The following SGCZ variants were observed in gnomAD, a reference collection of about 807,000 sequenced individuals.
SGCZ encodes sarcoglycan zeta, also known as zeta-sarcoglycan.
A neutral mutation model predicts 41.3 loss-of-function variants in SGCZ; 40 were observed. The ratio of observed to expected loss-of-function variants is 0.97; its 90% CI spans 0.75 to 1.26. The LOEUF (loss-of-function observed/expected upper bound fraction) is 1.26. Ranked by LOEUF, SGCZ falls within the 50% of genes most tolerant of loss-of-function variation. SGCZ has a pLI of 0.00. For missense variants in SGCZ, 552 were observed against 369.8 expected (o/e 1.49, Z -4.04); for synonymous variants, 206 against 137.5 (o/e 1.50, Z -3.49).
intron 1 of SGCZ, among the ~76,000 whole-genome samples, chr8:14,791,753 C>T (rs140256525): frequency 9.4e-4 from 143 of 152,262 alleles, no homozygotes; most frequent in Admixed American, 3.0e-3. Flanking sequence ...TCAGTAATCC[C>T]CATGAAGCAA....
At chr8:14,916,797 G>T (rs888974918) in intron 1 of SGCZ, among the ~76,000 whole-genome samples, 1 of 152,194 alleles carries the variant, frequency 6.6e-6, no homozygotes, top group South Asian at 2.1e-4. Context: ...ACACTTACGA[G>T]TATGTAAATA....
intron 1 of SGCZ, among the ~76,000 whole-genome samples, chr8:15,001,275 A>C (rs1802409894): frequency 6.6e-6 from 1 of 152,224 alleles, no homozygotes; most frequent in Non-Finnish European, 1.5e-5. Context: ...AGGGAGTTTC[A>C]AACACCAAAC....
At chr8:14,712,326 C>T (rs897016032) in intron 1 of SGCZ, among the ~76,000 whole-genome samples, 4 of 152,170 alleles carry the variant, frequency 2.6e-5, no homozygotes, top group African/African-American at 4.8e-5. Flanking sequence ...AAGTAAACTT[C>T]GCAGAATTGT....
intron 2 of SGCZ, among the ~76,000 whole-genome samples, chr8:14,498,708 G>A (rs1022945457): frequency 6.6e-6 from 1 of 151,856 alleles, no homozygotes; most frequent in Non-Finnish European, 1.5e-5. Context: ...AATTGAATAT[G>A]TTATTACTTA....
At chr8:14,108,137 C>G in intron 6 of SGCZ, 26 bp downstream of exon 6, 1 of 1,605,878 alleles carries the variant, frequency 6.2e-7, no homozygotes, top group Non-Finnish European at 8.5e-7. Context: ...GGATTTTATG[C>G]CACAGGTATA....
chr8:14,271,436 C>A (rs1432786819), intron 3 of SGCZ, among the ~76,000 whole-genome samples: 1 of 152,036 alleles, frequency 6.6e-6, no homozygotes, highest in South Asian at 2.1e-4. Context: ...TAGTTTCATA[C>A]CCAGCAATAT....
intron 2 of SGCZ, among the ~76,000 whole-genome samples, chr8:14,470,100 C>G (rs1258246280): frequency 6.6e-6 from 1 of 152,068 alleles, no homozygotes; most frequent in African/African-American, 2.4e-5. Context: ...AGCACTCAAT[C>G]TGTGAGGTCT....
rs967134694 is a variant in SGCZ, at chr8:14,087,015, G to T, written c.*3428C>A. Among the ~76,000 whole-genome samples the T allele has an allele frequency of 5.7e-4, 86 of 151,594 alleles. No individual in the cohort carries two copies. The highest frequency in any genetic ancestry group is 1.0e-3 in the Non-Finnish European group (69 of 67,722). On this transcript the variant is annotated 3_prime_UTR_variant, in exon 8 of 8. Coordinates refer to ENST00000382080, the MANE Select transcript of SGCZ (RefSeq NM_139167.4). The stretch of plus-strand genomic sequence containing the variant: ...TTAAGTAGGTAAGTTCACATGACTA[G>T]CCAGGGGCAGAACTAGAACTGGAAT...
At chr8:14,104,129 C>T (rs1443399609) in intron 6 of SGCZ, among the ~76,000 whole-genome samples, 1 of 152,062 alleles carries the variant, frequency 6.6e-6, no homozygotes, top group African/African-American at 2.4e-5. Context: ...GTCTAAAAAG[C>T]CTGTTGAAAA....
At chr8:15,134,665 G>T (rs75179385) in intron 1 of SGCZ, among the ~76,000 whole-genome samples, 1 of 152,054 alleles carries the variant, frequency 6.6e-6, no homozygotes, top group African/African-American at 2.4e-5. Flanking sequence ...TATGCAAGAC[G>T]AGTCACCAAA....
At chr8:14,470,707 C>A (rs1801190305) in intron 2 of SGCZ, among the ~76,000 whole-genome samples, 2 of 151,996 alleles carry the variant, frequency 1.3e-5, no homozygotes, top group African/African-American at 4.8e-5. Flanking sequence ...TGATGCAGAA[C>A]GGAGATGAAT....
chr8:14,220,396 A>G (rs989609302), intron 4 of SGCZ, among the ~76,000 whole-genome samples: 2 of 152,156 alleles, frequency 1.3e-5, no homozygotes, highest in Non-Finnish European at 2.9e-5. Context: ...AAATCAAATA[A>G]TGGTTTAGCT....
intron 4 of SGCZ, among the ~76,000 whole-genome samples, chr8:14,230,930 T>C (rs563118631): frequency 9.2e-5 from 14 of 152,070 alleles, no homozygotes; most frequent in Non-Finnish European, 1.9e-4. Context: ...TAAACATACG[T>C]GGTTGTACAA....
intron 3 of SGCZ, among the ~76,000 whole-genome samples, chr8:14,312,136 T>TA (rs769716708): frequency 3.4e-4 from 52 of 152,294 alleles, no homozygotes; most frequent in Non-Finnish European, 3.1e-4. Context: ...CAATTCTTTA[T>TA]ACGTATATGT....
chr8:14,614,562 G>A (rs749081277), intron 1 of SGCZ, among the ~76,000 whole-genome samples: 31 of 152,150 alleles, frequency 2.0e-4, no homozygotes, highest in Non-Finnish European at 4.1e-4. Context: ...CTCCTTTTGT[G>A]AATAGTAGCT....
intron 4 of SGCZ, among the ~76,000 whole-genome samples, chr8:14,223,947 C>G (rs1479173835): frequency 1.3e-5 from 2 of 152,140 alleles, no homozygotes; most frequent in Non-Finnish European, 2.9e-5. Context: ...ATCAACATAA[C>G]TCCAGTACAT....
At chr8:14,576,080 G>C (rs1252639285) in intron 1 of SGCZ, among the ~76,000 whole-genome samples, 1 of 152,084 alleles carries the variant, frequency 6.6e-6, no homozygotes, top group African/African-American at 2.4e-5. Context: ...ATGCTCACAA[G>C]CATAATCAAT....
In SGCZ at chr8:14,108,190, A is replaced by C. The variant is rs1741145771; in HGVS notation, c.593T>G (p.Ile198Ser). Reference sequence around the variant, plus strand: ...GAGATCTTGGGATGGCTCTGCTCTGATGTGCGGCGTCTCCACAGAGTGCCC... The same window carrying C: ...GAGATCTTGGGATGGCTCTGCTCTGCTGTGCGGCGTCTCCACAGAGTGCCC... The part of the protein sequence containing the change: ...VFGHSVETPH[I>S]RAEPSQDLRL... Residue 198 changes from isoleucine (I) to serine (S), a missense_variant, in exon 6 of 8, where the codon ATC (isoleucine) becomes AGC (serine). Transcript: ENST00000382080. 1 of 1,613,978 alleles carries C rather than the reference A, an allele frequency of 6.2e-7. No individual in the cohort carries two copies. The highest frequency in any genetic ancestry group is 8.5e-7 in the Non-Finnish European group (1 of 1,180,014).
chr8:14,670,930 A>G lies in SGCZ; in HGVS notation c.40-116004T>C, dbSNP rs574416097. Among the ~76,000 whole-genome samples the G allele has an allele frequency of 1.0e-3, 156 of 152,330 alleles. 2 individuals are homozygous for G. Among genetic ancestry groups the G allele is most frequent in the African/African-American group, 3.6e-3 (149 of 41,570 alleles). On this transcript the variant is annotated intron_variant, in intron 1 of 7. Coordinates refer to ENST00000382080, the MANE Select transcript of SGCZ (RefSeq NM_139167.4). The stretch of plus-strand genomic sequence containing the variant: ...TACCCTATAGAACTAGTGAGTACAC[A>G]GGTTGAAGCCAAGAACAGCTATCAC...
Sources: allele counts gnomAD v4.1 joint callset (sites outside exome capture counted in the v4.1 genomes callset), GRCh38; gene constraint gnomAD v4.1.1; transcripts MANE v1.5; gene names NCBI Gene and HGNC (gene_info 2026-07-23, HGNC 2026-07-21).